CACNA1A: variants seen among roughly 807,000 people sequenced by gnomAD.
The protein encoded by CACNA1A is voltage-dependent P/Q-type calcium channel subunit alpha-1A.
CACNA1A carries 57 observed loss-of-function variants against 262.4 expected under a neutral mutation model. That is an observed-to-expected ratio of 0.22 (90% CI 0.18 to 0.27). The LOEUF is 0.27. CACNA1A is among the 10% of genes least tolerant of loss of function. The probability of loss-of-function intolerance (pLI) is 1.00; values close to 1 mark genes in which losing one functional copy is unlikely to be tolerated. For synonymous variants in CACNA1A, 1,431 were observed against 1,419.3 expected (o/e 1.01, Z -0.18); for missense variants, 2,526 against 3,562.8 (o/e 0.71, Z 7.41).
intron 3 of CACNA1A, among the ~76,000 whole-genome samples, chr19:13,393,333 C>G (rs1210122785): frequency 6.6e-6 from 1 of 152,182 alleles, no homozygotes; most frequent in Non-Finnish European, 1.5e-5. Flanking sequence ...CTCACACATA[C>G]AACGTCAAGG....
intron 24 of CACNA1A, among the ~76,000 whole-genome samples, chr19:13,268,234 C>A (rs192203751): frequency 1.3e-5 from 2 of 152,094 alleles, no homozygotes; most frequent in Non-Finnish European, 2.9e-5. Flanking sequence ...TGAGCAAATG[C>A]GGGCCTGGGG....
chr19:13,394,871 G>A (rs754778543), intron 3 of CACNA1A, among the ~76,000 whole-genome samples: 12 of 152,080 alleles, frequency 7.9e-5, no homozygotes, highest in Non-Finnish European at 1.6e-4. Context: ...TCTTCCCTAA[G>A]GCGGGTCGTA....
At chr19:13,262,295 T>C (rs2056751856) in intron 25 of CACNA1A, 1 of 157,956 alleles carries the variant, frequency 6.3e-6, no homozygotes, top group Non-Finnish European at 1.4e-5. Context: ...TTTCCCTTAA[T>C]ATATATATAT....
chr19:13,209,707 T>C (rs2054731353), intron 44 of CACNA1A, among the ~76,000 whole-genome samples: 1 of 152,156 alleles, frequency 6.6e-6, no homozygotes, highest in African/African-American at 2.4e-5. Flanking sequence ...GGGTGGAGCC[T>C]GAGGATTCCT....
At chr19:13,490,692 G>GAAAGAAAGAAAGAAAGAAA (rs1980678235) in intron 1 of CACNA1A, among the ~76,000 whole-genome samples, 7 of 132,592 alleles carry the variant, frequency 5.3e-5, no homozygotes, top group African/African-American at 2.0e-4. Context: ...GAGAAAGAAA[G>GAAAGAAAGAAAGAAAGAAA]GAAAGAAAGA....
intron 10 of CACNA1A, among the ~76,000 whole-genome samples, chr19:13,326,605 T>C (rs980796573): frequency 6.6e-6 from 1 of 151,852 alleles, no homozygotes; most frequent in Admixed American, 6.6e-5. Context: ...AGGCAACATA[T>C]TGAGATCCCA....
intron 3 of CACNA1A, among the ~76,000 whole-genome samples, chr19:13,376,656 CAT>C (rs150197447): frequency 0.041 from 6,021 of 146,756 alleles, 233 homozygotes; most frequent in African/African-American, 0.096. Flanking sequence ...ATACACTACA[CAT>C]AATATATGTT....
Position 13,212,388 on chromosome 19 carries a change from G to C in CACNA1A, c.6185C>G (p.Ser2062Cys). ...PTDMPNSQPN[S>C]QSVEMREMGR... is the part of the protein sequence containing the mutation. ...GGAGTTGGGGGACAGAGGCACCTGA[G>C]AGTTAGGCTGGCTGTTGGGCATGTC... is the stretch of plus-strand genomic sequence containing the variant. Residue 2062 changes from serine (S) to cysteine (C), a missense_variant, in exon 42 of 47, where the codon TCT becomes TGT. By Grantham distance (112) the Ser-to-Cys change is moderately radical. Transcript: ENST00000360228. This position sits in a 1 kb window ranked among gnomAD's most constrained non-coding sequence, Gnocchi z 5.6. The C allele has an allele frequency of 6.2e-7, 1 of 1,613,654 alleles. No individual in the cohort carries two copies.
intron 10 of CACNA1A, among the ~76,000 whole-genome samples, chr19:13,326,230 G>A (rs1437280768): frequency 1.3e-5 from 2 of 151,482 alleles, no homozygotes; most frequent in African/African-American, 2.4e-5. Flanking sequence ...TGGGAGAATC[G>A]CTTGAACCTG....
At chr19:13,208,285 G>A (rs1283256211) in intron 46 of CACNA1A, among the ~76,000 whole-genome samples, 1 of 150,116 alleles carries the variant, frequency 6.7e-6, no homozygotes, top group Admixed American at 6.7e-5. Context: ...GACAGGGAGG[G>A]GAGGAGTCGA....
In CACNA1A at chr19:13,207,478, G is replaced by A; in HGVS notation, c.7356C>T (p.Pro2452=). ...HASSGATGRS[P]RTPRASGPAC... is the part of the protein sequence containing the mutation. ...CCGGGCCCGAGGCCCGGGGAGTCCT[G>A]GGCGAGCGCCCGGTGGCGCCCGAGG... is the stretch of plus-strand genomic sequence containing the variant. Residue 2452 remains proline, a synonymous_variant, in exon 47 of 47, where the codon CCC becomes CCT. Transcript: ENST00000360228. This position sits in a 1 kb window ranked among gnomAD's most constrained non-coding sequence, Gnocchi z 5.7. 6.9e-7 allele frequency: 1 copy of A among 1,445,038 alleles called. No homozygotes were observed. 89.5% of individuals were successfully genotyped at this position (1,445,038 alleles called of 1,614,324 possible). A position where few individuals can be genotyped will look rare whatever the true frequency, so the allele number is the denominator to read the frequency against.
At chr19:13,472,628 C>T (rs1316866254) in intron 1 of CACNA1A, among the ~76,000 whole-genome samples, 1 of 152,180 alleles carries the variant, frequency 6.6e-6, no homozygotes, top group Non-Finnish European at 1.5e-5. Context: ...TCTCTTCCTC[C>T]CTCTGTCTCA....
chr19:13,250,348 T>A (rs1434226707), intron 30 of CACNA1A, among the ~76,000 whole-genome samples: 2 of 151,258 alleles, frequency 1.3e-5, no homozygotes, highest in African/African-American at 4.9e-5. Context: ...GTGTGAGCCA[T>A]CACACTCAGC....
chr19:13,355,471 C>G (rs1258958714), intron 6 of CACNA1A, among the ~76,000 whole-genome samples: 7 of 152,154 alleles, frequency 4.6e-5, no homozygotes, highest in Non-Finnish European at 8.8e-5. Context: ...AAATACCAGA[C>G]AGGGAAGGGA....
intron 29 of CACNA1A, 98 bp from the exon 30 acceptor site, chr19:13,253,199 A>C: frequency 1.4e-6 from 1 of 700,844 alleles, no homozygotes; most frequent in Non-Finnish European, 2.5e-6. Context: ...GCAACACTCC[A>C]GCCCCAGGCA....
At chr19:13,444,525 C>T (rs906247013) in intron 3 of CACNA1A, among the ~76,000 whole-genome samples, 2 of 152,108 alleles carry the variant, frequency 1.3e-5, no homozygotes, top group African/African-American at 2.4e-5. Flanking sequence ...ACTTGGTTTC[C>T]TCAACTATAT....
At chr19:13,484,550 C>A (rs1979747681) in intron 1 of CACNA1A, among the ~76,000 whole-genome samples, 1 of 152,196 alleles carries the variant, frequency 6.6e-6, no homozygotes, top group Admixed American at 6.5e-5. Flanking sequence ...ACCATGCCAG[C>A]CCAAGGCACA....
chr19:13,327,232 C>A (rs1036807994), intron 10 of CACNA1A, among the ~76,000 whole-genome samples: 7 of 152,032 alleles, frequency 4.6e-5, no homozygotes, highest in Non-Finnish European at 1.0e-4. Context: ...TGATTCCTTG[C>A]CAGAATCCTG....
Position 13,277,101 on chromosome 19 carries a change from T to C in CACNA1A, c.3850A>G (p.Thr1284Ala). ...NVLRYFDYVF[T>A]GVFTFEMVIK... ...ACCATCTCAAAGGTAAAGACGCCTG[T>C]AAAAACGTAGTCAAAGTATCGCAGC... Residue 1284 changes from threonine (T) to alanine (A), a missense_variant, in exon 23 of 47, where the codon ACA (threonine) becomes GCA (alanine). Thr to Ala is a moderately conservative substitution (Grantham distance 58). Coordinates refer to ENST00000360228, the MANE Select transcript of CACNA1A (RefSeq NM_001127222.2). 1 of 1,612,442 alleles carries C rather than the reference T, an allele frequency of 6.2e-7. No individual in the cohort carries two copies. Among genetic ancestry groups the C allele is most frequent in the Non-Finnish European group, 8.5e-7 (1 of 1,178,606 alleles).
Sources: allele counts gnomAD v4.1 joint callset (sites outside exome capture counted in the v4.1 genomes callset), GRCh38; gene constraint gnomAD v4.1.1; non-coding constraint Gnocchi (gnomAD v3.1); transcripts MANE v1.5; gene names NCBI Gene and HGNC (gene_info 2026-07-23, HGNC 2026-07-21).